Variants in LRRIQ1 observed in about 807,000 individuals in gnomAD.
The protein encoded by LRRIQ1 is leucine rich repeats and IQ motif containing 1.
Under a neutral mutation model 211.9 loss-of-function variants are expected in LRRIQ1, and 210 were observed. The ratio of observed to expected loss-of-function variants is 0.99; its 90% CI spans 0.89 to 1.11. The LOEUF (loss-of-function observed/expected upper bound fraction) is 1.11. LRRIQ1 is among the 50% of genes most tolerant of loss of function. LRRIQ1 has a pLI of 0.00. For synonymous variants in LRRIQ1, 699 were observed against 650.1 expected (o/e 1.08, Z -1.14); for missense variants, 2,136 against 1,939.5 (o/e 1.10, Z -1.90).
At chr12:85,184,479 A>C (rs1373176312) in intron 24 of LRRIQ1, among the ~76,000 whole-genome samples, 2 of 152,058 alleles carry the variant, frequency 1.3e-5, no homozygotes, top group Non-Finnish European at 2.9e-5. Flanking sequence ...ATTTGTCTGT[A>C]TGAGTGTAAT....
At chr12:85,043,354 A>G (rs532068803) in intron 3 of LRRIQ1, among the ~76,000 whole-genome samples, 1 of 152,154 alleles carries the variant, frequency 6.6e-6, no homozygotes, top group African/African-American at 2.4e-5. Flanking sequence ...TATTGATGCA[A>G]CCTGTTGGCT....
At chr12:85,075,461 C>T (rs1202184772) in intron 11 of LRRIQ1, among the ~76,000 whole-genome samples, 1 of 151,998 alleles carries the variant, frequency 6.6e-6, no homozygotes, top group African/African-American at 2.4e-5. Flanking sequence ...ACAATCATGG[C>T]AGGAGGCGAA....
chr12:85,271,460 A>G, the LRRIQ1 span, among the ~76,000 whole-genome samples: 1 of 152,150 alleles, frequency 6.6e-6, no homozygotes, highest in Non-Finnish European at 1.5e-5. Flanking sequence ...CTTTCTTACA[A>G]CCATGCTTTA....
chr12:85,131,288 C>T (rs1325091785), intron 18 of LRRIQ1, among the ~76,000 whole-genome samples: 1 of 151,744 alleles, frequency 6.6e-6, no homozygotes, highest in Non-Finnish European at 1.5e-5. Flanking sequence ...CTCCCACAGA[C>T]ACTCCTTCAT....
At chr12:85,260,871 T>C (rs1019722850) in intron 1 of LRRIQ1, among the ~76,000 whole-genome samples, 1 of 152,234 alleles carries the variant, frequency 6.6e-6, no homozygotes, top group African/African-American at 2.4e-5. Flanking sequence ...TAAGACACTT[T>C]CTTAATGCAT....
chr12:85,111,943 T>TAC (rs202178126), intron 15 of LRRIQ1, among the ~76,000 whole-genome samples: 27,522 of 134,960 alleles, frequency 0.2, 2,745 homozygotes, highest in Admixed American at 0.3. Flanking sequence ...TTTATATATA[T>TAC]ATACACACAC....
intron 1 of LRRIQ1, among the ~76,000 whole-genome samples, chr12:85,260,685 A>G (rs1167018234): frequency 6.6e-6 from 1 of 152,188 alleles, no homozygotes; most frequent in Non-Finnish European, 1.5e-5. Flanking sequence ...TTCGGTATCC[A>G]GGCAACAGTT....
chr12:85,215,051 A>G (rs987164780), intron 24 of LRRIQ1, among the ~76,000 whole-genome samples: 2 of 152,190 alleles, frequency 1.3e-5, no homozygotes, highest in African/African-American at 4.8e-5. Flanking sequence ...AAGAAATCCA[A>G]ATAACTCATG....
At chr12:85,075,402 A>C (rs777133626) in intron 11 of LRRIQ1, among the ~76,000 whole-genome samples, 1 of 152,090 alleles carries the variant, frequency 6.6e-6, no homozygotes, top group Non-Finnish European at 1.5e-5. Context: ...CTTTACAGGA[A>C]GCATGGTACT....
chr12:85,215,014 C>T (rs1894010454), intron 24 of LRRIQ1, among the ~76,000 whole-genome samples: 1 of 151,998 alleles, frequency 6.6e-6, no homozygotes, highest in Non-Finnish European at 1.5e-5. Context: ...GAAAAATAAA[C>T]AGGAAGTTTT....
intron 24 of LRRIQ1, among the ~76,000 whole-genome samples, chr12:85,215,043 G>C (rs1469076374): frequency 6.6e-6 from 1 of 152,070 alleles, no homozygotes; most frequent in Non-Finnish European, 1.5e-5. Context: ...TCTTGTAAAA[G>C]AAATCCAAAT....
Position 85,244,785 on chromosome 12 carries a change from C to T in LRRIQ1, c.5017-4C>T. ...TTGTATACATTCTCTTCCATTGCTCCCAGGCAAGACTTGTAAGCAGAGAAG... is the reference window on the plus strand; with the variant it reads ...TTGTATACATTCTCTTCCATTGCTCTCAGGCAAGACTTGTAAGCAGAGAAG... On this transcript the variant is annotated splice_region_variant and splice_polypyrimidine_tract_variant and intron_variant, in intron 26 of 26. Transcript: ENST00000393217. 2.5e-6 allele frequency: 4 copies of T among 1,610,316 alleles called. No homozygotes were observed. The highest frequency in any genetic ancestry group is 3.4e-6 in the Non-Finnish European group (4 of 1,177,424).
chr12:85,172,008 C>T (rs1269079214), intron 24 of LRRIQ1, among the ~76,000 whole-genome samples: 1 of 152,098 alleles, frequency 6.6e-6, no homozygotes, highest in Non-Finnish European at 1.5e-5. Flanking sequence ...AAATATCTTC[C>T]ACCATGAAAG....
Position 85,055,910 on chromosome 12 carries a change from C to G in LRRIQ1, c.1117C>G (p.Gln373Glu). ...EYEEKKNIVK[Q>E]EREQLISKEK... is the part of the protein sequence containing the mutation. ...TGAAGAAAAAAAGAATATTGTGAAA[C>G]AGGAAAGAGAGCAACTAATAAGCAA... Residue 373 changes from glutamine to glutamate, a missense_variant, in exon 8 of 27, where the codon CAG (glutamine) becomes GAG (glutamate). Coordinates refer to ENST00000393217, the MANE Select transcript of LRRIQ1 (RefSeq NM_001079910.2). 1 of 1,598,114 alleles carries G rather than the reference C, an allele frequency of 6.3e-7. No individual in the cohort carries two copies. Among genetic ancestry groups the G allele is most frequent in the Non-Finnish European group, 8.5e-7 (1 of 1,175,370 alleles).
intron 11 of LRRIQ1, among the ~76,000 whole-genome samples, chr12:85,092,130 G>C (rs1198254346): frequency 6.6e-6 from 1 of 152,146 alleles, no homozygotes; most frequent in Non-Finnish European, 1.5e-5. Flanking sequence ...ATTAACATTT[G>C]CAGAGAGTTT....
the LRRIQ1 span, among the ~76,000 whole-genome samples, chr12:85,272,054 C>T: frequency 6.6e-6 from 1 of 152,130 alleles, no homozygotes; most frequent in Non-Finnish European, 1.5e-5. Flanking sequence ...TAAATAGTTG[C>T]ATGACGTACC....
chr12:85,176,197 A>T (rs759479868), intron 24 of LRRIQ1, among the ~76,000 whole-genome samples: 2 of 152,008 alleles, frequency 1.3e-5, no homozygotes, highest in Non-Finnish European at 2.9e-5. Context: ...AGTGGTTTGT[A>T]GTTCTCCTTG....
chr12:85,151,419 A>T (rs1890232408), intron 19 of LRRIQ1, among the ~76,000 whole-genome samples: 1 of 151,662 alleles, frequency 6.6e-6, no homozygotes, highest in Non-Finnish European at 1.5e-5. Flanking sequence ...AGAATAAATT[A>T]TTCTAGTTTT....
chr12:85,244,172 A>G (rs939033673), intron 26 of LRRIQ1, among the ~76,000 whole-genome samples: 1 of 151,610 alleles, frequency 6.6e-6, no homozygotes, highest in Admixed American at 6.6e-5. Context: ...ATACAAATTC[A>G]AAGGCAATTT....
Sources: allele counts gnomAD v4.1 joint callset (sites outside exome capture counted in the v4.1 genomes callset), GRCh38; gene constraint gnomAD v4.1.1; transcripts MANE v1.5; gene names NCBI Gene and HGNC (gene_info 2026-07-23, HGNC 2026-07-21).